The following CNGB1 variants were observed in gnomAD, a reference collection of about 807,000 sequenced individuals.
CNGB1 encodes the protein cyclic nucleotide-gated channel beta-1.
In CNGB1, 126 loss-of-function variants were observed where a neutral mutation model predicts 151.7. That is an observed-to-expected ratio of 0.83 (90% CI 0.72 to 0.96). CNGB1 has a LOEUF of 0.96. CNGB1 is among the 40% of genes least tolerant of loss of function. CNGB1 has a pLI of 0.00. For synonymous variants in CNGB1, 623 were observed against 635.1 expected, an observed-to-expected ratio of 0.98 and a Z score of 0.29; for missense variants, 1,698 against 1,627.0, an observed-to-expected ratio of 1.04 and a Z score of -0.75.
At chr16:57,912,112 G>A (rs957404052) in intron 24 of CNGB1, among the ~76,000 whole-genome samples, 2 of 119,784 alleles carry the variant, frequency 1.7e-5, no homozygotes, top group African/African-American at 1.2e-4. Flanking sequence ...GAGGGGAAAT[G>A]TGTGTGTGTG....
chr16:57,897,931 A>G lies in CNGB1; in HGVS notation c.2977-17T>C. Reference sequence around the variant, plus strand: ...GATCTCCCCCTGAAACAAAGAAGTGACAAGTCCCTCTGTTCATCCCCCAAA... The same window carrying G: ...GATCTCCCCCTGAAACAAAGAAGTGGCAAGTCCCTCTGTTCATCCCCCAAA... On this transcript the variant is annotated splice_polypyrimidine_tract_variant and intron_variant, in intron 29 of 32. Coordinates refer to ENST00000251102, the MANE Select transcript of CNGB1 (RefSeq NM_001297.5). 1 of 1,612,726 alleles carries G rather than the reference A, an allele frequency of 6.2e-7. No homozygotes were observed. The highest frequency in any genetic ancestry group is 8.5e-7 in the Non-Finnish European group (1 of 1,178,674).
chr16:57,939,316 G>C (rs1168088505), intron 16 of CNGB1, 114 bp downstream of exon 16: 8 of 1,470,296 alleles, frequency 5.4e-6, no homozygotes, highest in Non-Finnish European at 7.5e-6. Context: ...GGGGCAATGG[G>C]GGGAAGGAGA....
intron 31 of CNGB1, among the ~76,000 whole-genome samples, chr16:57,890,748 G>A (rs558609744): frequency 2.6e-5 from 4 of 152,310 alleles, no homozygotes; most frequent in East Asian, 3.9e-4. Flanking sequence ...AATCCCACAC[G>A]TGGCCCTCAC....
chr16:57,893,010 T>C lies in CNGB1; in HGVS notation c.3242+4387A>G, dbSNP rs147417892. Reference sequence around the variant, plus strand: ...TAGAATGTGAGTTTTGTTTGGTCCCTCCTGTGTCCCCAGAACTCAGCACTG... The same window carrying C: ...TAGAATGTGAGTTTTGTTTGGTCCCCCCTGTGTCCCCAGAACTCAGCACTG... On this transcript the variant is annotated intron_variant, in intron 31 of 32. Transcript: ENST00000251102. Among the ~76,000 whole-genome samples the C allele has an allele frequency of 7.3e-3, 1,117 of 152,286 alleles. 13 individuals are homozygous for C. The highest frequency in any genetic ancestry group is 0.026 in the African/African-American group (1,067 of 41,558).
chr16:57,888,699 G>A (rs190055714), intron 31 of CNGB1, among the ~76,000 whole-genome samples: 4 of 152,206 alleles, frequency 2.6e-5, no homozygotes, highest in East Asian at 3.9e-4. Context: ...CGATCTACCC[G>A]CCTTGGCCTC....
intron 12 of CNGB1, among the ~76,000 whole-genome samples, chr16:57,953,896 A>AC (rs1307161811): frequency 1.8e-4 from 28 of 152,192 alleles, no homozygotes; most frequent in African/African-American, 6.5e-4. Flanking sequence ...AAGAAAAAAA[A>AC]AACAACACAG....
At chr16:57,949,820 A>G (rs1293089300) in intron 13 of CNGB1, among the ~76,000 whole-genome samples, 1 of 152,232 alleles carries the variant, frequency 6.6e-6, no homozygotes, top group Non-Finnish European at 1.5e-5. Flanking sequence ...CTTGGCAATC[A>G]TGACCACAAT....
In CNGB1 at chr16:57,883,775, C is replaced by T. The variant is rs1454298551; in HGVS notation, c.*389G>A. ...GACAAATTCCTGAGGGGAAACCCCA[C>T]ACATTCAATAACACTTTACTTTTTC... On this transcript the variant is annotated 3_prime_UTR_variant, in exon 33 of 33. Transcript: ENST00000251102. 3.3e-6 allele frequency: 1 copy of T among 298,898 alleles called. No individual in the cohort carries two copies. Among genetic ancestry groups the T allele is most frequent in the Non-Finnish European group, 6.4e-6 (1 of 156,886 alleles). 18.5% of individuals were successfully genotyped at this position (298,898 alleles called of 1,614,324 possible).
intron 16 of CNGB1, 116 bp downstream of exon 16, chr16:57,939,314 G>A: frequency 6.9e-7 from 1 of 1,447,426 alleles, no homozygotes; most frequent in Non-Finnish European, 9.6e-7. Context: ...AGGGGGCAAT[G>A]GGGGGAAGGA....
intron 20 of CNGB1, among the ~76,000 whole-genome samples, chr16:57,917,831 A>T (rs1960919110): frequency 2.0e-5 from 3 of 152,006 alleles, no homozygotes; most frequent in Non-Finnish European, 4.4e-5. Flanking sequence ...TCTGTTTTAA[A>T]AATAAATTAC....
chr16:57,960,823 T>G lies in CNGB1; in HGVS notation c.534+17A>C. 1 of 1,613,006 alleles carries G rather than the reference T, an allele frequency of 6.2e-7. No homozygotes were observed. Among genetic ancestry groups the G allele is most frequent in the Non-Finnish European group, 8.5e-7 (1 of 1,179,576 alleles). ...CCCCATATACTCAACTCCCTGCCTC[T>G]CCCTTCCTTGGCTCACCTCAGAGGA... On this transcript the variant is annotated intron_variant, in intron 8 of 32. Transcript: ENST00000251102.
rs762410526 is a variant in CNGB1 at position 57,903,922 on chromosome 16, G to A, written c.2694C>T (p.Asp898=). 3 of 1,614,128 alleles carry A rather than the reference G, an allele frequency of 1.9e-6. No homozygotes were observed. Among genetic ancestry groups the A allele is most frequent in the East Asian group, 2.2e-5 (1 of 44,886 alleles). ...AGAAATTCATGTACTTCACCGTGCT[G>A]TCCATGCAGCTGCGGTAGTAGGTCT... ...AGQTYYRSCM[D]STVKYMNFYK... Residue 898 remains aspartate (D), a synonymous_variant, in exon 27 of 33, where the codon GAC becomes GAT. Transcript: ENST00000251102.
chr16:57,960,077 G>A lies in CNGB1; in HGVS notation c.584-12C>T. On this transcript the variant is annotated splice_polypyrimidine_tract_variant and intron_variant, in intron 9 of 32. Coordinates refer to ENST00000251102, the MANE Select transcript of CNGB1 (RefSeq NM_001297.5). ...GCGTCCTGGAGGCGCTAAGCAGCGG[G>A]GAAAGCAGGAGCTAGAGACGCCATC... 1 of 1,544,864 alleles carries A rather than the reference G, an allele frequency of 6.5e-7. No homozygotes were observed. Among genetic ancestry groups the A allele is most frequent in the Non-Finnish European group, 8.7e-7 (1 of 1,150,690 alleles).
intron 16 of CNGB1, among the ~76,000 whole-genome samples, chr16:57,934,500 C>T (rs1247679484): frequency 2.6e-5 from 4 of 152,234 alleles, no homozygotes; most frequent in African/African-American, 7.2e-5. Flanking sequence ...ATTACCTTGT[C>T]TGTAGCATCT....
chr16:57,900,000 C>T (rs1960344421), intron 29 of CNGB1, among the ~76,000 whole-genome samples: 1 of 152,214 alleles, frequency 6.6e-6, no homozygotes. Flanking sequence ...TCTGCATCAC[C>T]CACGAAGACA....
intron 2 of CNGB1, among the ~76,000 whole-genome samples, chr16:57,966,259 A>G (rs3859044): frequency 0.62 from 94,735 of 152,036 alleles, 29,904 homozygotes; most frequent in Non-Finnish European, 0.67. Flanking sequence ...CTCTCCACCT[A>G]TGTCTCTTGG....
rs530500614 is a variant in CNGB1, at chr16:57,909,677, CTG to C, written c.2492+2074_2492+2075del. On this transcript the variant is annotated intron_variant, in intron 25 of 32. Transcript: ENST00000251102. ...GTGCTGAGATTACAGGCATGAGTCA[CTG>C]TATCTGGCTAAAAAAGTTTTTTTAA... Among the ~76,000 whole-genome samples the C allele has an allele frequency of 4.0e-4, 61 of 152,338 alleles. No individual in the cohort carries two copies. In the South Asian group the frequency reaches 0.011, roughly 28 times the overall value.
chr16:57,908,220 C>A (rs964164429), intron 25 of CNGB1, among the ~76,000 whole-genome samples: 12 of 152,230 alleles, frequency 7.9e-5, no homozygotes, highest in Non-Finnish European at 1.6e-4. Context: ...CGTGGCTCCC[C>A]CTCGGGGCAG....
intron 12 of CNGB1, among the ~76,000 whole-genome samples, chr16:57,956,883 A>T: frequency 6.6e-6 from 1 of 151,952 alleles, no homozygotes; most frequent in East Asian, 1.9e-4. Flanking sequence ...TGCCTCCCCA[A>T]CCCAGCTGCA....
Sources: allele counts gnomAD v4.1 joint callset (sites outside exome capture counted in the v4.1 genomes callset), GRCh38; gene constraint gnomAD v4.1.1; transcripts MANE v1.5; gene names NCBI Gene and HGNC (gene_info 2026-07-23, HGNC 2026-07-21).